The following MTA2 variants were observed in gnomAD, a reference collection of about 807,000 sequenced individuals.
MTA2 encodes the protein metastasis-associated protein MTA2.
A neutral mutation model predicts 87.1 loss-of-function variants in MTA2; 22 were observed. That is an observed-to-expected ratio of 0.25 (90% CI 0.18 to 0.36). The LOEUF is 0.36. Among genes scored for constraint, MTA2 ranks in the 10% least tolerant of loss-of-function variants. The pLI is 1.00. For missense variants in MTA2, 542 were observed against 853.2 expected, an observed-to-expected ratio of 0.64 and a Z score of 4.54; for synonymous variants, 314 against 310.1, an observed-to-expected ratio of 1.01 and a Z score of -0.13.
chr11:62,601,380 C>T, intron 1 of MTA2, 43 bp downstream of exon 1: 1 of 1,605,610 alleles, frequency 6.2e-7, no homozygotes, highest in East Asian at 2.3e-5. Flanking sequence ...CCTACCCCAA[C>T]CTCTCCCGCC....
In MTA2 at chr11:62,593,782, C is replaced by G. The variant is rs893842190; in HGVS notation, c.*93G>C. On this transcript the variant is annotated 3_prime_UTR_variant, in exon 18 of 18. Coordinates refer to ENST00000278823, the MANE Select transcript of MTA2 (RefSeq NM_004739.4). ...CACTTGCTCTCTTCCTTAATTCACTCCTCACTCCCTTCGACACGAAAGGGA... is the reference window on the plus strand; with the variant it reads ...CACTTGCTCTCTTCCTTAATTCACTGCTCACTCCCTTCGACACGAAAGGGA... The G allele has an allele frequency of 6.7e-6, 10 of 1,503,158 alleles. No individual in the cohort carries two copies. The Admixed American group carries it at 1.9e-4, about 29-fold the overall frequency. The allele number at this position is 1,503,158 out of a possible 1,614,324, so 93.1% of individuals were successfully genotyped here.
chr11:62,601,539 T>TG lies in MTA2; in HGVS notation c.-90dup. On this transcript the variant is annotated 5_prime_UTR_variant, in exon 1 of 18. Coordinates refer to ENST00000278823, the MANE Select transcript of MTA2 (RefSeq NM_004739.4). Reference sequence around the variant, plus strand: ...CGGCTCGAGGCAAAGCCCCGAACGGTGGGCTGCCGCTTCGAGGGAGTCTCA... The same window carrying TG: ...CGGCTCGAGGCAAAGCCCCGAACGGTGGGGCTGCCGCTTCGAGGGAGTCTCA... 6.8e-7 allele frequency: 1 copy of TG among 1,478,956 alleles called. No homozygotes were observed. The highest frequency in any genetic ancestry group is 9.1e-7 in the Non-Finnish European group (1 of 1,102,206). The allele number at this position is 1,478,956 out of a possible 1,614,324, so 91.6% of individuals were successfully genotyped here.
In MTA2 at chr11:62,601,709, C is replaced by CCAGAGCCTGG; in HGVS notation, c.-260_-259insCCAGGCTCTG. ...TCGGCTTCTTCCGGAACGAGCTCGGCTCCTGCCAGGCCAGAGCCAGGCTCC... is the reference window on the plus strand; with the variant it reads ...TCGGCTTCTTCCGGAACGAGCTCGGCCAGAGCCTGGTCCTGCCAGGCCAGAGCCAGGCTCC... On this transcript the variant is annotated 5_prime_UTR_variant, in exon 1 of 18. Coordinates refer to ENST00000278823, the MANE Select transcript of MTA2 (RefSeq NM_004739.4). The CCAGAGCCTGG allele has an allele frequency of 1.9e-6, 1 of 528,720 alleles. No homozygotes were observed. 32.8% of individuals were successfully genotyped at this position (528,720 alleles called of 1,614,324 possible). A position where few individuals can be genotyped will look rare whatever the true frequency, so the allele number is the denominator to read the frequency against.
chr11:62,601,632 C>G lies in MTA2; in HGVS notation c.-182G>C. On this transcript the variant is annotated 5_prime_UTR_variant, in exon 1 of 18. Coordinates refer to ENST00000278823, the MANE Select transcript of MTA2 (RefSeq NM_004739.4). ...CGGTTCATCCCGGCCCGCGCTGTCG[C>G]CGCCGCAGCTATCGCCTCACTCCCG... 1 of 627,756 alleles carries G rather than the reference C, an allele frequency of 1.6e-6. No homozygotes were observed. Among genetic ancestry groups the G allele is most frequent in the East Asian group, 3.3e-5 (1 of 29,984 alleles). 38.9% of individuals were successfully genotyped at this position (627,756 alleles called of 1,614,324 possible).
At position 62,594,410 on chromosome 11, in the gene MTA2, G is replaced by A. The variant is rs2134322267; in HGVS notation, c.1693-3C>T. 6.2e-7 allele frequency: 1 copy of A among 1,614,116 alleles called. No individual in the cohort carries two copies. Among genetic ancestry groups the A allele is most frequent in the Non-Finnish European group, 8.5e-7 (1 of 1,180,022 alleles). On this transcript the variant is annotated splice_region_variant and splice_polypyrimidine_tract_variant and intron_variant, in intron 16 of 17. Transcript: ENST00000278823. ...AAAGGAACCCCTGCCCCTGCCATCT[G>A]GAAAAGGGGTAGGATGGCACAATGA...
Position 62,595,076 on chromosome 11 carries a change from G to A in MTA2, c.1484-6C>T. ...CTTAGGAAGTCGAATGGAGCCTGGA[G>A]AACAAAGAAGAAAGCTTCTGAAGGG... On this transcript the variant is annotated splice_region_variant and splice_polypyrimidine_tract_variant and intron_variant, in intron 14 of 17. Coordinates refer to ENST00000278823, the MANE Select transcript of MTA2 (RefSeq NM_004739.4). This position sits in a 1 kb window ranked among gnomAD's most constrained non-coding sequence, Gnocchi z 4.9. The A allele has an allele frequency of 3.7e-6, 6 of 1,613,644 alleles. No homozygotes were observed. Among genetic ancestry groups the A allele is most frequent in the Non-Finnish European group, 5.1e-6 (6 of 1,179,728 alleles).
intron 7 of MTA2, 21 bp downstream of exon 7, chr11:62,597,589 C>T: frequency 6.2e-7 from 1 of 1,609,686 alleles, no homozygotes. Context: ...AGCCCATCTT[C>T]CCTATCCACC....
At chr11:62,597,571 C>T in intron 7 of MTA2, 39 bp downstream of exon 7, 1 of 1,581,742 alleles carries the variant, frequency 6.3e-7, no homozygotes, top group Non-Finnish European at 8.7e-7. Context: ...AATGTCCACA[C>T]CTCCCCCAGC....
At position 62,600,737 on chromosome 11, in the gene MTA2, G is replaced by C. The variant is rs1053773874; in HGVS notation, c.29-48C>G. On this transcript the variant is annotated intron_variant, in intron 1 of 17. Transcript: ENST00000278823. ...GAACCACGAAGATCAGAGGAGATGG[G>C]AGACGCAGAGCACCAGGGTAGGAGA... The C allele has an allele frequency of 4.5e-6, 7 of 1,547,056 alleles. No individual in the cohort carries two copies. In the East Asian group the frequency reaches 1.6e-4, roughly 35 times the overall value.
At chr11:62,598,481 G>C (rs199655330) in intron 4 of MTA2, 41 bp downstream of exon 4, 1 of 1,606,232 alleles carries the variant, frequency 6.2e-7, no homozygotes, top group African/African-American at 1.3e-5. Flanking sequence ...CATCTTCTAC[G>C]TAAGTGCACG....
chr11:62,601,548 G>A lies in MTA2; in HGVS notation c.-98C>T, dbSNP rs1317044977. On this transcript the variant is annotated 5_prime_UTR_variant, in exon 1 of 18. Coordinates refer to ENST00000278823, the MANE Select transcript of MTA2 (RefSeq NM_004739.4). Reference sequence around the variant, plus strand: ...GCAAAGCCCCGAACGGTGGGCTGCCGCTTCGAGGGAGTCTCACTGGGGCCC... The same window carrying A: ...GCAAAGCCCCGAACGGTGGGCTGCCACTTCGAGGGAGTCTCACTGGGGCCC... 15 of 1,414,510 alleles carry A rather than the reference G, an allele frequency of 1.1e-5. No individual in the cohort carries two copies. The highest frequency in any genetic ancestry group is 1.5e-5 in the African/African-American group (1 of 67,202). The allele number at this position is 1,414,510 out of a possible 1,614,324, so 87.6% of individuals were successfully genotyped here.
rs772302275 is a variant in MTA2, at chr11:62,593,977, G to A, written c.1905C>T (p.Pro635=). The part of the protein sequence containing the change: ...MRRAARRPNL[P]LKVKPTLIAV... ...CAATCAGCGTTGGCTTCACCTTCAG[G>A]GGCAAGTTGGGTCGGCGAGCAGCTC... is the stretch of plus-strand genomic sequence containing the variant. The change falls in exon 18 of 18, where the codon CCC becomes CCT. Residue 635 remains proline, a synonymous_variant. Transcript: ENST00000278823. 2 of 1,614,002 alleles carry A rather than the reference G, an allele frequency of 1.2e-6. No individual in the cohort carries two copies. Among genetic ancestry groups the A allele is most frequent in the Non-Finnish European group, 8.5e-7 (1 of 1,179,920 alleles).
At chr11:62,598,000 GT>G in intron 6 of MTA2, 23 bp downstream of exon 6, 1 of 1,579,824 alleles carries the variant, frequency 6.3e-7, no homozygotes, top group Non-Finnish European at 8.7e-7. Context: ...CCTGGTAGCC[GT>G]ACAGTCTTGT....
chr11:62,593,952 C>T lies in MTA2; in HGVS notation c.1930G>A (p.Ala644Thr). The change falls in exon 18 of 18, where the codon GCA (alanine) becomes ACA (threonine). Residue 644 changes from alanine (A) to threonine (T), a missense_variant. Transcript: ENST00000278823. The stretch of plus-strand genomic sequence containing the variant: ...GGTAGAGGGACAGGGGGCCGCACTG[C>T]AATCAGCGTTGGCTTCACCTTCAGG... ...LPLKVKPTLI[A>T]VRPPVPLPAP... is the part of the protein sequence containing the mutation. 1 of 1,614,192 alleles carries T rather than the reference C, an allele frequency of 6.2e-7. No homozygotes were observed. Among genetic ancestry groups the T allele is most frequent in the Non-Finnish European group, 8.5e-7 (1 of 1,180,028 alleles).
rs1942172220 is a variant in MTA2, at chr11:62,600,626, T to C, written c.92A>G (p.Asn31Ser). 8.1e-6 allele frequency: 13 copies of C among 1,613,792 alleles called. No homozygotes were observed. Among genetic ancestry groups the C allele is most frequent in the Non-Finnish European group, 1.1e-5 (13 of 1,179,760 alleles). ...GAGGGATTCTGCTCCACTCACCTTGTTGAGCTCCTCAATCCGTCTAACCAG... is the reference window on the plus strand; with the variant it reads ...GAGGGATTCTGCTCCACTCACCTTGCTGAGCTCCTCAATCCGTCTAACCAG... The part of the protein sequence containing the change: ...PYLVRRIEEL[N>S]KTANGNVEAK... Residue 31 changes from asparagine (N) to serine (S), a missense_variant, in exon 2 of 18, where the codon AAC (asparagine) becomes AGC (serine). Around this residue, in one of 6 missense-constraint regions of MTA2, gnomAD observed 150 missense variants for 243.9 expected, o/e 0.62. Coordinates refer to ENST00000278823, the MANE Select transcript of MTA2 (RefSeq NM_004739.4).
At chr11:62,600,284 C>T (rs1404079753) in intron 2 of MTA2, 25 bp from the exon 3 acceptor site, 2 of 1,595,218 alleles carry the variant, frequency 1.3e-6, no homozygotes, top group East Asian at 2.2e-5. Flanking sequence ...AAAACAAAAA[C>T]AAAACAACGT....
chr11:62,600,132 G>T (rs758331956), intron 3 of MTA2, 34 bp downstream of exon 3: 2 of 1,579,184 alleles, frequency 1.3e-6, no homozygotes, highest in East Asian at 2.2e-5. Flanking sequence ...TCAGATCATG[G>T]GTAGGAGAAA....
In MTA2 at chr11:62,596,836, G is replaced by C. The variant is rs757204011; in HGVS notation, c.694-11C>G. The C allele has an allele frequency of 1.3e-6, 2 of 1,588,996 alleles. No homozygotes were observed. Among genetic ancestry groups the C allele is most frequent in the Non-Finnish European group, 1.7e-6 (2 of 1,168,276 alleles). ...ATCCATGGCGTGAAACTATGGGGAA[G>C]ATGGAGAGCAACTGAGGACCTGAAA... On this transcript the variant is annotated splice_polypyrimidine_tract_variant and intron_variant, in intron 8 of 17. Coordinates refer to ENST00000278823, the MANE Select transcript of MTA2 (RefSeq NM_004739.4).
In MTA2 at chr11:62,595,341, C is replaced by A; in HGVS notation, c.1406G>T (p.Cys469Phe). Residue 469 changes from cysteine to phenylalanine, a missense_variant, in exon 14 of 18, where the codon TGC becomes TTC. Around this residue, in one of 6 missense-constraint regions of MTA2, gnomAD observed 269 missense variants for 346.4 expected, o/e 0.78. Coordinates refer to ENST00000278823, the MANE Select transcript of MTA2 (RefSeq NM_004739.4). This position sits in a 1 kb window ranked among gnomAD's most constrained non-coding sequence, Gnocchi z 4.9. The stretch of plus-strand genomic sequence containing the variant: ...CCTCCTTGGCTGTAATAGGTCCCTG[C>A]ACATGCGTCTGGCAAGACGGGTCAG... ...TKLTRLARRMCRDLLQPRRAA... is the reference protein window; with the variant it reads ...TKLTRLARRMFRDLLQPRRAA... The A allele has an allele frequency of 6.2e-7, 1 of 1,614,214 alleles. No individual in the cohort carries two copies. Among genetic ancestry groups the A allele is most frequent in the Non-Finnish European group, 8.5e-7 (1 of 1,180,036 alleles).
Sources: allele counts gnomAD v4.1 joint callset, GRCh38; gene constraint gnomAD v4.1.1; regional missense constraint gnomAD v4.1.1; non-coding constraint Gnocchi (gnomAD v3.1); transcripts MANE v1.5; gene names NCBI Gene and HGNC (gene_info 2026-07-23, HGNC 2026-07-21).